LRP1B: variants seen among roughly 807,000 people sequenced by gnomAD.
LRP1B encodes low-density lipoprotein receptor-related protein 1B.
A neutral mutation model predicts 556.6 loss-of-function variants in LRP1B; 217 were observed. The observed-to-expected ratio is 0.39, with a 90% confidence interval of 0.35 to 0.44. LRP1B has a LOEUF of 0.44. LRP1B is among the 20% of genes least tolerant of loss of function. The probability of loss-of-function intolerance (pLI) is 1.00; values close to 1 mark genes in which losing one functional copy is unlikely to be tolerated. For missense variants in LRP1B, 5,053 were observed against 5,620.8 expected (o/e 0.90, Z 3.23); for synonymous variants, 2,047 against 1,865.8 (o/e 1.10, Z -2.50).
intron 3 of LRP1B, among the ~76,000 whole-genome samples, chr2:141,478,508 C>A (rs948652543): frequency 7.3e-6 from 1 of 136,390 alleles, no homozygotes; most frequent in East Asian, 2.1e-4. Context: ...TTCCTTCTTT[C>A]CCTCCCTCCC....
intron 1 of LRP1B, among the ~76,000 whole-genome samples, chr2:142,089,657 C>G (rs1463011574): frequency 1.3e-5 from 2 of 152,142 alleles, no homozygotes; most frequent in Non-Finnish European, 2.9e-5. Flanking sequence ...GGATAGTTAT[C>G]ATGCATCTTA....
intron 23 of LRP1B, among the ~76,000 whole-genome samples, chr2:140,897,300 C>G (rs961393863): frequency 6.6e-6 from 1 of 152,132 alleles, no homozygotes; most frequent in Non-Finnish European, 1.5e-5. Flanking sequence ...CTCTCCCTGA[C>G]CCTCTCCTAC....
intron 18 of LRP1B, among the ~76,000 whole-genome samples, chr2:140,957,298 A>AGAT (rs754368440): frequency 4.3e-4 from 65 of 151,660 alleles, no homozygotes; most frequent in Non-Finnish European, 8.6e-4. Flanking sequence ...AGAAAGAGAC[A>AGAT]GATTCATGAC....
At chr2:141,745,712 A>G (rs950611643) in intron 2 of LRP1B, among the ~76,000 whole-genome samples, 1 of 151,912 alleles carries the variant, frequency 6.6e-6, no homozygotes, top group Middle Eastern at 3.4e-3. Flanking sequence ...CAAGGCAAAT[A>G]CTGCTTTATT....
At chr2:141,728,808 A>G (rs1299756104) in intron 2 of LRP1B, among the ~76,000 whole-genome samples, 1 of 152,172 alleles carries the variant, frequency 6.6e-6, no homozygotes, top group Non-Finnish European at 1.5e-5. Context: ...TGCTGTGACG[A>G]AAACAACATC....
At chr2:141,402,843 T>C (rs543690374) in intron 3 of LRP1B, among the ~76,000 whole-genome samples, 1 of 152,126 alleles carries the variant, frequency 6.6e-6, no homozygotes, top group Non-Finnish European at 1.5e-5. Flanking sequence ...TTTGGAATGA[T>C]GCTTTTATAC....
chr2:140,533,750 G>A (rs1215726154), intron 47 of LRP1B, among the ~76,000 whole-genome samples: 1 of 152,122 alleles, frequency 6.6e-6, no homozygotes, highest in African/African-American at 2.4e-5. Flanking sequence ...ACACATTCTG[G>A]TAGAAATGTC....
intron 2 of LRP1B, among the ~76,000 whole-genome samples, chr2:141,804,543 C>T (rs1002964564): frequency 6.6e-6 from 1 of 151,976 alleles, no homozygotes; most frequent in Non-Finnish European, 1.5e-5. Flanking sequence ...CTTGAATTAG[C>T]ATATGTAGAT....
At chr2:141,323,316 A>G (rs1687310955) in intron 3 of LRP1B, among the ~76,000 whole-genome samples, 1 of 152,142 alleles carries the variant, frequency 6.6e-6, no homozygotes, top group Non-Finnish European at 1.5e-5. Flanking sequence ...AAGTACAAAT[A>G]TCCAATACAG....
chr2:141,969,713 A>T (rs1701671597), intron 1 of LRP1B, among the ~76,000 whole-genome samples: 1 of 151,678 alleles, frequency 6.6e-6, no homozygotes, highest in African/African-American at 2.4e-5. Flanking sequence ...TGAACACTGG[A>T]GTGCAAACAT....
intron 7 of LRP1B, among the ~76,000 whole-genome samples, chr2:141,111,780 G>A (rs1330161506): frequency 6.6e-6 from 1 of 152,092 alleles, no homozygotes; most frequent in African/African-American, 2.4e-5. Context: ...GCCGGTAGTG[G>A]TGGCTCACGC....
intron 3 of LRP1B, among the ~76,000 whole-genome samples, chr2:141,378,808 T>C (rs1689529765): frequency 6.6e-6 from 1 of 152,116 alleles, no homozygotes; most frequent in Non-Finnish European, 1.5e-5. Context: ...GCCAGTTAAC[T>C]GAAATTATTC....
intron 1 of LRP1B, among the ~76,000 whole-genome samples, chr2:141,855,388 G>A (rs1412481531): frequency 6.6e-6 from 1 of 152,130 alleles, no homozygotes; most frequent in African/African-American, 2.4e-5. Flanking sequence ...AGACAAGAAG[G>A]AGAGCTGAGT....
At chr2:141,711,985 A>G (rs1204370966) in intron 2 of LRP1B, among the ~76,000 whole-genome samples, 4 of 151,908 alleles carry the variant, frequency 2.6e-5, no homozygotes, top group African/African-American at 9.7e-5. Flanking sequence ...AACTTCATAC[A>G]CTTTGAGAAC....
intron 2 of LRP1B, among the ~76,000 whole-genome samples, chr2:141,583,906 A>ATTTTTTTTTTTTTTTTTTTT (rs113916906): frequency 2.1e-5 from 3 of 145,482 alleles, no homozygotes; most frequent in African/African-American, 7.6e-5. Flanking sequence ...TGCCCGGCTA[A>ATTTTTTTTTTTTTTTTTTTT]TTTTTTTTTT....
chr2:141,957,601 T>C (rs1050276701), intron 1 of LRP1B, among the ~76,000 whole-genome samples: 16 of 152,058 alleles, frequency 1.1e-4, no homozygotes, highest in Admixed American at 8.5e-4. Flanking sequence ...TCTTTTCCTA[T>C]GATTCCAAAG....
At chr2:140,437,716 G>A (rs534918018) in intron 66 of LRP1B, among the ~76,000 whole-genome samples, 1 of 152,144 alleles carries the variant, frequency 6.6e-6, no homozygotes, top group Non-Finnish European at 1.5e-5. Context: ...AGAATAGATA[G>A]ATTTGCATAT....
At chr2:140,750,008 CT>C (rs1688514562) in intron 35 of LRP1B, among the ~76,000 whole-genome samples, 2 of 151,958 alleles carry the variant, frequency 1.3e-5, no homozygotes, top group Non-Finnish European at 1.5e-5. Context: ...ATGGGACCAC[CT>C]TTGTGTATGT....
chr2:140,536,839 C>A, intron 45 of LRP1B, 130 bp from the exon 46 acceptor site: 1 of 733,844 alleles, frequency 1.4e-6, no homozygotes. Flanking sequence ...AATTAAAGAG[C>A]AATGGTTTAT....
Sources: gnomAD v4.1 joint callset for allele counts (sites outside exome capture counted in the v4.1 genomes callset) on GRCh38, gnomAD v4.1.1 for gene constraint, MANE v1.5 for transcripts, NCBI Gene and HGNC (gene_info 2026-07-23, HGNC 2026-07-21) for gene names.